TMEM131: variants seen among roughly 807,000 people sequenced by gnomAD.
TMEM131 encodes 2610524E03Rik.
In TMEM131, 66 loss-of-function variants were observed where a neutral mutation model predicts 211.6. That is an observed-to-expected ratio of 0.31 (90% confidence interval 0.26 to 0.38). TMEM131 has a LOEUF of 0.38. TMEM131 is among the 10% of genes least tolerant of loss of function. TMEM131 has a pLI of 1.00. For synonymous variants in TMEM131, 844 were observed against 841.3 expected (o/e 1.00, Z -0.06); for missense variants, 2,036 against 2,299.3 (o/e 0.89, Z 2.34).
At chr2:97,918,779 C>G (rs993330297) in intron 2 of TMEM131, among the ~76,000 whole-genome samples, 12 of 152,196 alleles carry the variant, frequency 7.9e-5, no homozygotes, top group African/African-American at 2.7e-4. Flanking sequence ...CCAACCAAGT[C>G]TGATATGATA....
Position 97,800,845 on chromosome 2 carries a change from T to C in TMEM131, c.2718+1050A>G, listed in dbSNP as rs1426807579. Among the ~76,000 whole-genome samples, 4 of 152,134 alleles carry C rather than the reference T, an allele frequency of 2.6e-5. No individual in the cohort carries two copies. The East Asian group carries it at 5.8e-4, about 22-fold the overall frequency. On this transcript the variant is annotated intron_variant, in intron 25 of 40. Coordinates refer to ENST00000186436, the MANE Select transcript of TMEM131 (RefSeq NM_015348.2). Reference sequence around the variant, plus strand: ...ATAACTTCCAATAACATTTGTTACTTTGGCATCTTACAGATGGGAAAAGCA... The same window carrying C: ...ATAACTTCCAATAACATTTGTTACTCTGGCATCTTACAGATGGGAAAAGCA...
At chr2:97,974,637 G>A (rs915168784) in intron 1 of TMEM131, among the ~76,000 whole-genome samples, 3 of 151,026 alleles carry the variant, frequency 2.0e-5, no homozygotes, top group African/African-American at 7.3e-5. Context: ...GAGGAACAAA[G>A]ATAAGGATGA....
intron 4 of TMEM131, among the ~76,000 whole-genome samples, chr2:97,863,872 G>A (rs1674162418): frequency 6.6e-6 from 1 of 152,164 alleles, no homozygotes. Context: ...TCCCAGTCAT[G>A]AGTATACACC....
At chr2:97,940,205 T>C (rs1677653688) in intron 1 of TMEM131, among the ~76,000 whole-genome samples, 1 of 152,170 alleles carries the variant, frequency 6.6e-6, no homozygotes, top group Non-Finnish European at 1.5e-5. Flanking sequence ...TAAAGGGGTA[T>C]TCAATTAGGA....
At chr2:97,758,119 A>G (rs899845178) in intron 40 of TMEM131, among the ~76,000 whole-genome samples, 1 of 151,764 alleles carries the variant, frequency 6.6e-6, no homozygotes, top group Non-Finnish European at 1.5e-5. Context: ...GCTACAGAGC[A>G]AGACTCTGTC....
chr2:97,804,079 T>C (rs1169811737), intron 22 of TMEM131, among the ~76,000 whole-genome samples: 1 of 152,224 alleles, frequency 6.6e-6, no homozygotes, highest in South Asian at 2.1e-4. Context: ...TTTGAGAATT[T>C]ACAGTACTCT....
intron 7 of TMEM131, among the ~76,000 whole-genome samples, chr2:97,841,332 A>AT (rs1243168144): frequency 2.0e-5 from 3 of 152,228 alleles, no homozygotes; most frequent in African/African-American, 4.8e-5. Context: ...GATAAGTTGA[A>AT]TTTTTTAAAT....
At chr2:97,804,163 C>T (rs1374819686) in intron 22 of TMEM131, among the ~76,000 whole-genome samples, 1 of 152,126 alleles carries the variant, frequency 6.6e-6, no homozygotes, top group Non-Finnish European at 1.5e-5. Flanking sequence ...CCATCAGCTG[C>T]CATACTATCA....
At chr2:97,918,684 T>C (rs544353340) in intron 2 of TMEM131, among the ~76,000 whole-genome samples, 29 of 152,212 alleles carry the variant, frequency 1.9e-4, no homozygotes, top group African/African-American at 6.7e-4. Flanking sequence ...CCAAATGCAA[T>C]GTGTAGACCT....
rs115502468 is a variant in TMEM131, at chr2:97,759,450, G to A, written c.5206+202C>T. ...TCACACCAACTGGTGTGCGCACACCGTGTCGAGCCTGGTCCACTGCCCCTC... is the reference window on the plus strand; with the variant it reads ...TCACACCAACTGGTGTGCGCACACCATGTCGAGCCTGGTCCACTGCCCCTC... On this transcript the variant is annotated intron_variant, in intron 39 of 40. Transcript: ENST00000186436. 1,389 of 576,558 alleles carry A rather than the reference G, an allele frequency of 2.4e-3. 20 individuals are homozygous for A. Among genetic ancestry groups the A allele is most frequent in the African/African-American group, 0.02 (1,052 of 53,450 alleles). The allele number at this position is 576,558 out of a possible 1,614,324, so 35.7% of individuals were successfully genotyped here.
Position 97,793,204 on chromosome 2 carries a change from CAATAT to C in TMEM131, c.3545+186_3545+190del, listed in dbSNP as rs1468746345. On this transcript the variant is annotated intron_variant, in intron 30 of 40. Transcript: ENST00000186436. ...TAACTAAAAGTATTTTAACCCTTACCAATATAATAAAAACACAGTATCCAGCATGA... is the reference window on the plus strand; with the variant it reads ...TAACTAAAAGTATTTTAACCCTTACCAATAAAAACACAGTATCCAGCATGA... 3.6e-4 allele frequency: 236 copies of C among 656,720 alleles called. 2 individuals are homozygous for C. Among genetic ancestry groups the C allele is most frequent in the South Asian group, 1.9e-3 (85 of 44,906 alleles). The allele number at this position is 656,720 out of a possible 1,614,324, so 40.7% of individuals were successfully genotyped here.
In TMEM131 at chr2:97,812,400, GAC is replaced by G; in HGVS notation, c.1863+19_1863+20del. On this transcript the variant is annotated intron_variant, in intron 17 of 40. Transcript: ENST00000186436. ...TTAGACATCCATCTTACTTTAAGGAGACAATAGAAAGTTTACTTACCGATGAT... is the reference window on the plus strand; with the variant it reads ...TTAGACATCCATCTTACTTTAAGGAGAATAGAAAGTTTACTTACCGATGAT... 6.3e-7 allele frequency: 1 copy of G among 1,591,148 alleles called. No homozygotes were observed. Among genetic ancestry groups the G allele is most frequent in the Middle Eastern group, 1.7e-4 (1 of 5,934 alleles).
intron 2 of TMEM131, among the ~76,000 whole-genome samples, chr2:97,926,644 C>T (rs1466760092): frequency 6.6e-6 from 1 of 152,128 alleles, no homozygotes; most frequent in Non-Finnish European, 1.5e-5. Flanking sequence ...TCTGAGATCT[C>T]ACCCAAGCTC....
chr2:97,954,198 T>C (rs1678455362), intron 1 of TMEM131, among the ~76,000 whole-genome samples: 1 of 151,292 alleles, frequency 6.6e-6, no homozygotes, highest in Non-Finnish European at 1.5e-5. Flanking sequence ...AACAGGAAAA[T>C]AACAACAACA....
At chr2:97,990,580 T>C (rs1680220322) in intron 1 of TMEM131, among the ~76,000 whole-genome samples, 1 of 152,176 alleles carries the variant, frequency 6.6e-6, no homozygotes, top group Non-Finnish European at 1.5e-5. Context: ...TTTATGAGAA[T>C]CTGAAAATCT....
rs186083256 is a variant in TMEM131, at chr2:97,958,577, T to C, written c.188-31090A>G. On this transcript the variant is annotated intron_variant, in intron 1 of 40. Transcript: ENST00000186436. The stretch of plus-strand genomic sequence containing the variant: ...CATACTGAATCGCATTCTCTGAGAC[T>C]GAGCCTGGGAGTCTGCATTTTATGA... Among the ~76,000 whole-genome samples the C allele has an allele frequency of 5.3e-5, 8 of 152,374 alleles. No individual in the cohort carries two copies. The East Asian group carries it at 1.5e-3, about 29-fold the overall frequency.
At chr2:97,946,858 A>C (rs1294686881) in intron 1 of TMEM131, among the ~76,000 whole-genome samples, 1 of 152,058 alleles carries the variant, frequency 6.6e-6, no homozygotes, top group Non-Finnish European at 1.5e-5. Context: ...CCATTAATGT[A>C]TAAAAAAGAT....
intron 3 of TMEM131, among the ~76,000 whole-genome samples, chr2:97,892,199 A>T (rs1416914705): frequency 6.6e-6 from 1 of 152,134 alleles, no homozygotes; most frequent in Admixed American, 6.6e-5. Context: ...CGTCTGTGGA[A>T]AGTTTTTTAA....
chr2:97,941,002 A>G (rs1180183835), intron 1 of TMEM131, among the ~76,000 whole-genome samples: 1 of 152,162 alleles, frequency 6.6e-6, no homozygotes, highest in African/African-American at 2.4e-5. Flanking sequence ...CCAAAAAAGA[A>G]CCCACATTGC....
Sources: allele counts gnomAD v4.1 joint callset (sites outside exome capture counted in the v4.1 genomes callset), GRCh38; gene constraint gnomAD v4.1.1; transcripts MANE v1.5; gene names NCBI Gene and HGNC (gene_info 2026-07-23, HGNC 2026-07-21).